Variants in LSM14B observed in about 807,000 individuals in gnomAD.
LSM14B encodes the protein LSM family member 14B.
A neutral mutation model predicts 42.1 loss-of-function variants in LSM14B; 8 were observed. The observed-to-expected ratio is 0.19, with a 90% CI of 0.11 to 0.34. The LOEUF is 0.34. LSM14B is among the 10% of genes least tolerant of loss of function. LSM14B has a pLI of 1.00. For missense variants in LSM14B, 396 were observed against 513.1 expected (o/e 0.77, Z 2.21); for synonymous variants, 219 against 209.7 (o/e 1.04, Z -0.38).
At chr20:62,125,194 T>A (rs2056555350) in intron 2 of LSM14B, among the ~76,000 whole-genome samples, 1 of 152,206 alleles carries the variant, frequency 6.6e-6, no homozygotes, top group Non-Finnish European at 1.5e-5. Context: ...AATAACCTTT[T>A]AATGAAAAGT....
Position 62,133,190 on chromosome 20 carries a change from T to C in LSM14B, c.987-100T>C, listed in dbSNP as rs1340108338. On this transcript the variant is annotated intron_variant, in intron 7 of 8. Transcript: ENST00000279068. ...CGCCCCTTCCCTGTAGTGGCCCTGG[T>C]GAGTCTGTCCCTCCTTCCCTGGGCC... 15 of 1,435,542 alleles carry C rather than the reference T, an allele frequency of 1.0e-5. No individual in the cohort carries two copies. The East Asian group carries it at 3.3e-4, about 32-fold the overall frequency. 88.9% of individuals were successfully genotyped at this position (1,435,542 alleles called of 1,614,324 possible). A position where few individuals can be genotyped will look rare whatever the true frequency, so the allele number is the denominator to read the frequency against.
intron 3 of LSM14B, chr20:62,129,044 T>C: frequency 1.6e-6 from 2 of 1,281,234 alleles, no homozygotes; most frequent in Non-Finnish European, 2.1e-6. Flanking sequence ...TGGGTGGTGC[T>C]TCCCATTTTC....
In LSM14B at chr20:62,124,812, G is replaced by A. The variant is rs749746592; in HGVS notation, c.291+32G>A. ...GTGCCACTGTCCCTCTGTGCATGCT[G>A]TAGGAGATGCTGGTTTCCATTTGGA... On this transcript the variant is annotated intron_variant, in intron 2 of 8. Coordinates refer to ENST00000279068, the MANE Select transcript of LSM14B (RefSeq NM_144703.3). The A allele has an allele frequency of 1.0e-5, 16 of 1,582,658 alleles. No homozygotes were observed. The Admixed American group carries it at 2.1e-4, about 21-fold the overall frequency.
intron 3 of LSM14B, among the ~76,000 whole-genome samples, chr20:62,129,414 C>G (rs1225788520): frequency 6.6e-6 from 1 of 152,126 alleles, no homozygotes; most frequent in Non-Finnish European, 1.5e-5. Context: ...CTGCTGAGCT[C>G]CTTTGGGATT....
intron 8 of LSM14B, 112 bp downstream of exon 8, chr20:62,133,587 C>T (rs1311485930): frequency 5.4e-6 from 7 of 1,296,614 alleles, no homozygotes; most frequent in African/African-American, 1.5e-5. Flanking sequence ...AAGAGAGGCC[C>T]AGAGGTGTCA....
At position 62,122,674 on chromosome 20, in the gene LSM14B, G is replaced by T. The variant is rs1568698704; in HGVS notation, c.8G>T (p.Gly3Val). MS[G>V]SSGTPYLGSK... ...CGCACCCCGGCCGCCGCCATGAGCG[G>T]CTCCTCAGGCACCCCGTATCTGGGC... is the stretch of plus-strand genomic sequence containing the variant. The change falls in exon 1 of 9, where the codon GGC becomes GTC. Residue 3 changes from glycine to valine, a missense_variant. Around this residue, in one of 3 missense-constraint regions of LSM14B, gnomAD observed 274 missense variants for 335.8 expected, o/e 0.82. Transcript: ENST00000279068. This position sits in a 1 kb window ranked among gnomAD's most constrained non-coding sequence, Gnocchi z 4.6. The T allele has an allele frequency of 1.4e-6, 2 of 1,463,180 alleles. No individual in the cohort carries two copies. The highest frequency in any genetic ancestry group is 1.8e-6 in the Non-Finnish European group (2 of 1,094,108). The allele number at this position is 1,463,180 out of a possible 1,614,324, so 90.6% of individuals were successfully genotyped here.
chr20:62,123,089 G>GCCCGGCCCCCGCGGTGCCGC (rs2056456271), intron 1 of LSM14B: 1 of 163,562 alleles, frequency 6.1e-6, no homozygotes, highest in Non-Finnish European at 1.3e-5. Flanking sequence ...TGAGGGGCGG[G>GCCCGGCCCCCGCGGTGCCGC]CCCGGCCCCC....
intron 2 of LSM14B, 145 bp from the exon 3 acceptor site, chr20:62,126,159 C>T: frequency 1.7e-6 from 2 of 1,179,840 alleles, no homozygotes; most frequent in Admixed American, 4.0e-5. Context: ...ATACTGGAAA[C>T]TTGCACCCCA....
chr20:62,132,211 C>T (rs2056788076), intron 7 of LSM14B, among the ~76,000 whole-genome samples: 1 of 152,156 alleles, frequency 6.6e-6, no homozygotes. Context: ...GGCTGTAACT[C>T]GATGGGAAGT....
chr20:62,131,596 C>CT (rs2056768532), intron 7 of LSM14B, 90 bp downstream of exon 7: 2 of 1,518,682 alleles, frequency 1.3e-6, no homozygotes, highest in Admixed American at 3.5e-5. Context: ...GAGCTGGACT[C>CT]TGAGGCTCAG....
In LSM14B at chr20:62,124,447, T is replaced by C. The variant is rs549166448; in HGVS notation, c.128-170T>C. ...TCACCAATTGGTGCATTATCAGCACTGTCCATTGAAAATCGGGGCATTAAG... is the reference window on the plus strand; with the variant it reads ...TCACCAATTGGTGCATTATCAGCACCGTCCATTGAAAATCGGGGCATTAAG... On this transcript the variant is annotated intron_variant, in intron 1 of 8. Transcript: ENST00000279068. Among the ~76,000 whole-genome samples, 4 of 152,400 alleles carry C rather than the reference T, an allele frequency of 2.6e-5. No individual in the cohort carries two copies. The South Asian group carries it at 8.3e-4, about 32-fold the overall frequency.
chr20:62,130,019 T>A lies in LSM14B; in HGVS notation c.595+67T>A. 1 of 1,451,912 alleles carries A rather than the reference T, an allele frequency of 6.9e-7. No homozygotes were observed. The allele number at this position is 1,451,912 out of a possible 1,614,324, so 89.9% of individuals were successfully genotyped here. On this transcript the variant is annotated intron_variant, in intron 4 of 8. Transcript: ENST00000279068. This position sits in a 1 kb window ranked among gnomAD's most constrained non-coding sequence, Gnocchi z 4.1. ...AAAAGTGGCACACTACTTCCTGGGC[T>A]ATTTTTTTTTTTTTAATTAAAAAAA... is the stretch of plus-strand genomic sequence containing the variant.
intron 3 of LSM14B, chr20:62,127,941 G>A (rs1458726399): frequency 4.6e-6 from 3 of 657,930 alleles, no homozygotes; most frequent in Non-Finnish European, 8.3e-6. Context: ...GTTCTCTGTT[G>A]ACCTGTACCA....
intron 1 of LSM14B, among the ~76,000 whole-genome samples, chr20:62,123,602 G>A (rs904976880): frequency 5.1e-4 from 78 of 152,242 alleles, no homozygotes; most frequent in African/African-American, 1.6e-3. Flanking sequence ...ACCCAGAGAA[G>A]ACGGGGAGTG....
At chr20:62,127,145 T>A (rs2056631179) in intron 3 of LSM14B, among the ~76,000 whole-genome samples, 1 of 152,240 alleles carries the variant, frequency 6.6e-6, no homozygotes, top group Admixed American at 6.5e-5. Context: ...ATCATGTCCC[T>A]TATTCTACTG....
At chr20:62,125,573 A>G (rs1188136713) in intron 2 of LSM14B, among the ~76,000 whole-genome samples, 1 of 152,226 alleles carries the variant, frequency 6.6e-6, no homozygotes, top group Non-Finnish European at 1.5e-5. Flanking sequence ...TTATTGGGTT[A>G]TGGCTTATTT....
intron 1 of LSM14B, among the ~76,000 whole-genome samples, chr20:62,123,690 T>C (rs2056489911): frequency 6.6e-6 from 1 of 152,232 alleles, no homozygotes; most frequent in South Asian, 2.1e-4. Flanking sequence ...GATCTGGCGC[T>C]AGGCTCCCAG....
At chr20:62,133,518 G>A (rs1464930173) in intron 8 of LSM14B, 43 bp downstream of exon 8, 2 of 1,585,536 alleles carry the variant, frequency 1.3e-6, no homozygotes, top group East Asian at 4.5e-5. Context: ...GGAGGGTGTA[G>A]GGTCAGGCAC....
At chr20:62,126,097 C>T (rs1213848983) in intron 2 of LSM14B, 10 of 663,998 alleles carry the variant, frequency 1.5e-5, no homozygotes, top group East Asian at 2.7e-5. Context: ...AAAGGAATTA[C>T]ATGGACAGGT....
Sources: gnomAD v4.1 joint callset for allele counts (sites outside exome capture counted in the v4.1 genomes callset) on GRCh38, gnomAD v4.1.1 for gene constraint, gnomAD v4.1.1 regional missense constraint, Gnocchi (gnomAD v3.1) non-coding constraint, MANE v1.5 for transcripts, NCBI Gene and HGNC (gene_info 2026-07-23, HGNC 2026-07-21) for gene names.